Variants in RABGAP1L observed in about 807,000 individuals in gnomAD.
RABGAP1L encodes rab GTPase-activating protein 1-like.
In RABGAP1L, 63 loss-of-function variants were observed where a neutral mutation model predicts 137.7. The observed-to-expected ratio is 0.46, with a 90% CI of 0.37 to 0.56. The LOEUF is 0.56. Ranked by LOEUF, RABGAP1L falls within the 20% of genes least tolerant of loss-of-function variation. RABGAP1L has a pLI of 0.00. For synonymous variants in RABGAP1L, 431 were observed against 433.7 expected, an observed-to-expected ratio of 0.99 and a Z score of 0.08; for missense variants, 1,095 against 1,244.0, an observed-to-expected ratio of 0.88 and a Z score of 1.80.
chr1:174,609,687 G>C lies in RABGAP1L; in HGVS notation c.1711-27688G>C, dbSNP rs188255384. On this transcript the variant is annotated intron_variant, in intron 13 of 25. Transcript: ENST00000681986. ...AAAAGTTAACATGTAAACTAAGACA[G>C]ATACCTGAGATTTAAAAACAAAATC... Among the ~76,000 whole-genome samples, 314 of 152,216 alleles carry C rather than the reference G, an allele frequency of 2.1e-3. 2 individuals carry two copies. The highest frequency in any genetic ancestry group is 2.7e-3 in the Non-Finnish European group (186 of 67,992).
chr1:174,495,980 G>T (rs946640526), intron 13 of RABGAP1L, among the ~76,000 whole-genome samples: 2 of 152,106 alleles, frequency 1.3e-5, no homozygotes. Flanking sequence ...CAGCCTGCCA[G>T]TGTGCTGGGA....
chr1:174,815,043 C>T (rs1238669808), intron 19 of RABGAP1L, among the ~76,000 whole-genome samples: 1 of 152,044 alleles, frequency 6.6e-6, no homozygotes, highest in Admixed American at 6.6e-5. Flanking sequence ...CAAGAAAATC[C>T]CCAAACCAAA....
At position 174,448,126 on chromosome 1, in the gene RABGAP1L, G is replaced by T. The variant is rs1558242967; in HGVS notation, c.1710+53981G>T. On this transcript the variant is annotated intron_variant, in intron 13 of 25. Transcript: ENST00000681986. The surrounding 1 kb of genome is among the most constrained non-coding windows in gnomAD (Gnocchi z 4.2). ...ATTTCCAAGCCATGAATGAATCCAGGTGGACTGAATGGAGGATCCTGAACA... is the reference window on the plus strand; with the variant it reads ...ATTTCCAAGCCATGAATGAATCCAGTTGGACTGAATGGAGGATCCTGAACA... 6.2e-7 allele frequency: 1 copy of T among 1,612,038 alleles called. No homozygotes were observed. Among genetic ancestry groups the T allele is most frequent in the Admixed American group, 1.7e-5 (1 of 59,942 alleles).
At chr1:174,663,454 A>G (rs1003802637) in intron 14 of RABGAP1L, among the ~76,000 whole-genome samples, 32 of 152,222 alleles carry the variant, frequency 2.1e-4, no homozygotes, top group African/African-American at 7.7e-4. Flanking sequence ...CATATAGCCT[A>G]CATGTGTAAT....
chr1:174,532,253 G>T (rs946489043), intron 13 of RABGAP1L, among the ~76,000 whole-genome samples: 3 of 151,374 alleles, frequency 2.0e-5, no homozygotes, highest in African/African-American at 4.9e-5. Flanking sequence ...CTGTCACCCA[G>T]GCTGGAGTGC....
intron 15 of RABGAP1L, among the ~76,000 whole-genome samples, chr1:174,698,272 T>G (rs900626978): frequency 1.3e-5 from 2 of 152,328 alleles, no homozygotes; most frequent in East Asian, 3.9e-4. Flanking sequence ...TTCCATATTC[T>G]TTCACCTGTT....
intron 17 of RABGAP1L, among the ~76,000 whole-genome samples, chr1:174,703,322 G>A (rs957139165): frequency 2.0e-5 from 3 of 152,144 alleles, no homozygotes; most frequent in Non-Finnish European, 4.4e-5. Flanking sequence ...CTGTGTCCAT[G>A]TATACACATT....
At chr1:174,959,675 A>G (rs1056499618) in intron 20 of RABGAP1L, among the ~76,000 whole-genome samples, 4 of 152,138 alleles carry the variant, frequency 2.6e-5, no homozygotes, top group African/African-American at 9.7e-5. Flanking sequence ...CTTTTAGATT[A>G]TTGTGATAAC....
At chr1:174,773,099 A>T (rs1686250112) in intron 18 of RABGAP1L, among the ~76,000 whole-genome samples, 1 of 152,082 alleles carries the variant, frequency 6.6e-6, no homozygotes, top group Admixed American at 6.6e-5. Flanking sequence ...GGCAAATGAC[A>T]TACCACAATC....
intron 19 of RABGAP1L, among the ~76,000 whole-genome samples, chr1:174,839,715 A>G (rs543670082): frequency 1.4e-4 from 21 of 152,320 alleles, no homozygotes; most frequent in Admixed American, 3.9e-4. Flanking sequence ...TGAAGCACTC[A>G]TCTTGGTGTG....
chr1:174,159,885 G>C (rs1664278777), intron 1 of RABGAP1L: 1 of 152,282 alleles, frequency 6.6e-6, no homozygotes, highest in Admixed American at 6.5e-5. Context: ...GCCGCTCCTC[G>C]CGGATAGGGC....
chr1:174,647,288 T>C (rs1675048922), intron 14 of RABGAP1L, among the ~76,000 whole-genome samples: 1 of 152,128 alleles, frequency 6.6e-6, no homozygotes, highest in South Asian at 2.1e-4. Context: ...CTTGTGCCGG[T>C]TTTCAAAGGG....
intron 13 of RABGAP1L, among the ~76,000 whole-genome samples, chr1:174,614,437 C>G (rs1053772014): frequency 6.6e-6 from 1 of 152,112 alleles, no homozygotes; most frequent in Non-Finnish European, 1.5e-5. Context: ...GACTTTCTGC[C>G]GAGAGATCTG....
intron 19 of RABGAP1L, among the ~76,000 whole-genome samples, chr1:174,896,654 G>A (rs1049935723): frequency 1.1e-4 from 16 of 152,152 alleles, no homozygotes; most frequent in Non-Finnish European, 1.8e-4. Context: ...AGCTTTCTAT[G>A]TATGGCTAGC....
chr1:174,552,236 G>T (rs1056011245), intron 13 of RABGAP1L, among the ~76,000 whole-genome samples: 3 of 152,024 alleles, frequency 2.0e-5, no homozygotes, highest in Non-Finnish European at 2.9e-5. Flanking sequence ...TTGTGTGGTG[G>T]GGGTTTTTGT....
chr1:174,421,200 A>T (rs1292263694), intron 13 of RABGAP1L, among the ~76,000 whole-genome samples: 1 of 152,160 alleles, frequency 6.6e-6, no homozygotes, highest in Non-Finnish European at 1.5e-5. Context: ...CTTGAAGGGT[A>T]GTCCACTATA....
At chr1:174,973,664 C>T (rs181417859) in intron 21 of RABGAP1L, among the ~76,000 whole-genome samples, 6 of 152,006 alleles carry the variant, frequency 3.9e-5, no homozygotes, top group Admixed American at 2.6e-4. Context: ...GGATTACAGG[C>T]GTGAGCCACC....
chr1:174,953,189 T>C (rs1235045990), intron 19 of RABGAP1L, among the ~76,000 whole-genome samples: 1 of 152,184 alleles, frequency 6.6e-6, no homozygotes, highest in African/African-American at 2.4e-5. Context: ...TTCCGATAAT[T>C]ATTGTTATAC....
chr1:174,321,889 A>T (rs1680026103), intron 11 of RABGAP1L, among the ~76,000 whole-genome samples: 1 of 152,140 alleles, frequency 6.6e-6, no homozygotes, highest in Non-Finnish European at 1.5e-5. Flanking sequence ...TACCATTTGT[A>T]TATCTTCTTG....
Sources: gnomAD v4.1 joint callset for allele counts (sites outside exome capture counted in the v4.1 genomes callset) on GRCh38, gnomAD v4.1.1 for gene constraint, Gnocchi (gnomAD v3.1) non-coding constraint, MANE v1.5 for transcripts, NCBI Gene and HGNC (gene_info 2026-07-23, HGNC 2026-07-21) for gene names.